Variants in EDA observed in about 807,000 individuals in gnomAD.
EDA encodes ectodysplasin-A.
EDA carries 2 observed loss-of-function variants against 23.6 expected under a neutral mutation model. The ratio of observed to expected loss-of-function variants is 0.08; its 90% CI spans 0.03 to 0.27. The LOEUF (loss-of-function observed/expected upper bound fraction) is 0.27, where lower values mean the gene tolerates loss of function less well. Ranked by LOEUF, EDA falls within the 10% of genes least tolerant of loss-of-function variation. EDA has a pLI of 1.00. For missense variants in EDA, 229 were observed against 324.2 expected (o/e 0.71, Z 2.26); for synonymous variants, 131 against 132.0 (o/e 0.99, Z 0.05).
chrX:70,035,347 C>T lies in EDA; in HGVS notation c.925-11C>T. 1.7e-6 allele frequency: 2 copies of T among 1,207,976 alleles called. No individual in the cohort carries two copies. The highest frequency in any genetic ancestry group is 2.2e-5 in the Admixed American group (1 of 45,715). ...CTCTTCCCCAATCCCTTCTTGTTGCCTCTCACTCAGGTATACTACATCAAC... is the reference window on the plus strand; with the variant it reads ...CTCTTCCCCAATCCCTTCTTGTTGCTTCTCACTCAGGTATACTACATCAAC... On this transcript the variant is annotated splice_polypyrimidine_tract_variant and intron_variant, in intron 7 of 7. Transcript: ENST00000374552.
At chrX:69,701,384 C>T (rs757843618) in intron 1 of EDA, among the ~76,000 whole-genome samples, 2 of 111,662 alleles carry the variant, frequency 1.8e-5, no homozygotes, top group Non-Finnish European at 3.8e-5. Context: ...CTGGACCAGT[C>T]GCCTTCATTG....
intron 1 of EDA, among the ~76,000 whole-genome samples, chrX:69,866,107 G>A (rs1462586682): frequency 1.8e-5 from 2 of 111,631 alleles, no homozygotes; most frequent in Non-Finnish European, 3.8e-5. Context: ...ACCTCAGCAG[G>A]TCATGGCTTT....
rs1294429495 is a variant in EDA, at chrX:69,652,660, C to T, written c.396+35956C>T. ...AACCTGTGGCCTCCGTGGAAGTGGTCCAGGAAATAATCTTAGAATTAATTG... is the reference window on the plus strand; with the variant it reads ...AACCTGTGGCCTCCGTGGAAGTGGTTCAGGAAATAATCTTAGAATTAATTG... On this transcript the variant is annotated intron_variant, in intron 1 of 7. Coordinates refer to ENST00000374552, the MANE Select transcript of EDA (RefSeq NM_001399.5). 4.5e-5 allele frequency among the ~76,000 whole-genome samples: 5 copies of T among 111,620 alleles called. No individual in the cohort carries two copies. The East Asian group carries it at 1.4e-3, about 31-fold the overall frequency.
intron 2 of EDA, among the ~76,000 whole-genome samples, chrX:70,000,621 G>C (rs934492854): frequency 8.9e-6 from 1 of 112,295 alleles, no homozygotes; most frequent in Non-Finnish European, 1.9e-5. Flanking sequence ...GACAAATGAA[G>C]TTTATATGGT....
At position 69,834,177 on chromosome X, in the gene EDA, A is replaced by G. The variant is rs757535685; in HGVS notation, c.397-122850A>G. Among the ~76,000 whole-genome samples, 3 of 110,348 alleles carry G rather than the reference A, an allele frequency of 2.7e-5. No homozygotes were observed. The East Asian group carries it at 8.7e-4, about 32-fold the overall frequency. On this transcript the variant is annotated intron_variant, in intron 1 of 7. Coordinates refer to ENST00000374552, the MANE Select transcript of EDA (RefSeq NM_001399.5). Reference sequence around the variant, plus strand: ...TGTGGTCAATTTTAGAATAAGTGACACTGTTGATTTGGGGTGGAGAGTTCT... The same window carrying G: ...TGTGGTCAATTTTAGAATAAGTGACGCTGTTGATTTGGGGTGGAGAGTTCT...
At chrX:69,918,197 C>A (rs2018374409) in intron 1 of EDA, among the ~76,000 whole-genome samples, 1 of 102,099 alleles carries the variant, frequency 9.8e-6, no homozygotes. Context: ...TCCTCTGTCA[C>A]CCAGGCTGGA....
intron 1 of EDA, among the ~76,000 whole-genome samples, chrX:69,925,037 T>A (rs967349150): frequency 1.8e-5 from 2 of 112,015 alleles, no homozygotes; most frequent in African/African-American, 6.5e-5. Context: ...CTTATCAGTT[T>A]AAGGAGTTTG....
intron 1 of EDA, among the ~76,000 whole-genome samples, chrX:69,892,909 C>G (rs183389978): frequency 9.0e-6 from 1 of 111,364 alleles, no homozygotes; most frequent in African/African-American, 3.3e-5. Context: ...TTAATGTTAC[C>G]TGCCTGGACC....
intron 1 of EDA, among the ~76,000 whole-genome samples, chrX:69,699,785 C>T (rs1158642880): frequency 1.8e-5 from 2 of 110,099 alleles, no homozygotes; most frequent in East Asian, 2.9e-4. Context: ...ACGGAGTAGA[C>T]GGAAAGGTTG....
At chrX:70,020,793 T>C (rs1412797442) in intron 2 of EDA, among the ~76,000 whole-genome samples, 1 of 111,841 alleles carries the variant, frequency 8.9e-6, no homozygotes, top group East Asian at 2.8e-4. Context: ...AAAAATGTAG[T>C]TATTGACATA....
chrX:69,724,950 G>A (rs2012735401), intron 1 of EDA, among the ~76,000 whole-genome samples: 2 of 112,127 alleles, frequency 1.8e-5, no homozygotes, highest in Non-Finnish European at 1.9e-5. Flanking sequence ...TGGCCACATA[G>A]TATCTACTAT....
intron 1 of EDA, among the ~76,000 whole-genome samples, chrX:69,774,620 ACTT>A (rs958631130): frequency 2.7e-5 from 3 of 111,865 alleles, no homozygotes; most frequent in African/African-American, 9.7e-5. Context: ...TTAGGCTGTT[ACTT>A]CTTCTTGATC....
chrX:69,861,698 A>G (rs912532616), intron 1 of EDA, among the ~76,000 whole-genome samples: 5 of 112,109 alleles, frequency 4.5e-5, no homozygotes, highest in Non-Finnish European at 7.5e-5. Flanking sequence ...AAAGACAAAT[A>G]CTAACAAAAA....
chrX:69,987,258 AAAACTT>A (rs2019508375), intron 2 of EDA, among the ~76,000 whole-genome samples: 1 of 101,199 alleles, frequency 9.9e-6, no homozygotes, highest in African/African-American at 3.8e-5. Context: ...CATGTACCCT[AAAACTT>A]AAAGTATAAT....
intron 1 of EDA, among the ~76,000 whole-genome samples, chrX:69,658,838 G>A (rs1252227311): frequency 3.6e-5 from 4 of 111,652 alleles, no homozygotes; most frequent in African/African-American, 1.3e-4. Context: ...AGATCAACCT[G>A]TGCTTGCATT....
intron 1 of EDA, among the ~76,000 whole-genome samples, chrX:69,739,800 G>T (rs938084668): frequency 4.5e-5 from 5 of 110,097 alleles, no homozygotes; most frequent in Non-Finnish European, 7.6e-5. Flanking sequence ...TGCTTTTATT[G>T]TTATACACAT....
intron 1 of EDA, among the ~76,000 whole-genome samples, chrX:69,709,224 A>G (rs932733288): frequency 8.9e-6 from 1 of 112,091 alleles, no homozygotes; most frequent in Non-Finnish European, 1.9e-5. Context: ...TAGTCTGTTA[A>G]TTCCTAATTC....
intron 1 of EDA, among the ~76,000 whole-genome samples, chrX:69,624,514 T>C (rs769477408): frequency 3.6e-5 from 4 of 111,472 alleles, no homozygotes; most frequent in African/African-American, 6.5e-5. Context: ...ACCTCAGTTA[T>C]TTTTATCTTT....
intron 1 of EDA, among the ~76,000 whole-genome samples, chrX:69,631,242 G>T (rs992587543): frequency 1.8e-5 from 2 of 109,397 alleles, no homozygotes; most frequent in African/African-American, 6.7e-5. Flanking sequence ...TCAACTGGGT[G>T]TGGTGGCACG....
Sources: gnomAD v4.1 joint callset for allele counts (sites outside exome capture counted in the v4.1 genomes callset) on GRCh38, gnomAD v4.1.1 for gene constraint, MANE v1.5 for transcripts, NCBI Gene and HGNC (gene_info 2026-07-23, HGNC 2026-07-21) for gene names.